The following SMARCA1 variants were observed in gnomAD, a reference collection of about 807,000 sequenced individuals.
SMARCA1 encodes the protein SNF2 related chromatin remodeling ATPase 1.
In SMARCA1, 17 loss-of-function variants were observed where a neutral mutation model predicts 93.6. The observed-to-expected ratio is 0.18, with a 90% CI of 0.12 to 0.27. The LOEUF (loss-of-function observed/expected upper bound fraction) is 0.27, where lower values mean the gene tolerates loss of function less well. Ranked by LOEUF, SMARCA1 falls within the 10% of genes least tolerant of loss-of-function variation. The probability of loss-of-function intolerance (pLI) is 1.00; values close to 1 mark genes in which losing one functional copy is unlikely to be tolerated. For synonymous variants in SMARCA1, 271 were observed against 271.4 expected (o/e 1.00, Z 0.01); for missense variants, 630 against 819.0 (o/e 0.77, Z 2.82).
At chrX:129,494,298 T>G (rs1359857343) in intron 12 of SMARCA1, among the ~76,000 whole-genome samples, 1 of 111,439 alleles carries the variant, frequency 9.0e-6, no homozygotes, top group African/African-American at 3.3e-5. Context: ...TTAGTATGGA[T>G]TCAGGGAAAC....
rs1556303915 is a variant in SMARCA1 at position 129,486,835 on chromosome X, TGAC to T, written c.2217+180_2217+182del. 2.0e-4 allele frequency among the ~76,000 whole-genome samples: 22 copies of T among 109,959 alleles called. No individual in the cohort carries two copies. The South Asian group carries it at 2.4e-3, about 12-fold the overall frequency. On this transcript the variant is annotated intron_variant, in intron 17 of 24. Coordinates refer to ENST00000371121, the MANE Select transcript of SMARCA1 (RefSeq NM_001282874.2). The stretch of plus-strand genomic sequence containing the variant: ...TTGATGATGATGATGATGATGATGA[TGAC>T]GACGACGACGATAAACCAATAAAAT...
intron 14 of SMARCA1, 93 bp downstream of exon 14, chrX:129,491,848 G>A: frequency 1.7e-6 from 1 of 589,646 alleles, no homozygotes; most frequent in Middle Eastern, 3.5e-4. Context: ...CTCAAAAATT[G>A]TTACCTTTTT....
intron 19 of SMARCA1, among the ~76,000 whole-genome samples, chrX:129,479,059 T>C (rs1186788900): frequency 8.9e-6 from 1 of 111,925 alleles, no homozygotes. Flanking sequence ...TAATAACACC[T>C]ACTTCATGAG....
At chrX:129,453,483 A>C (rs903968953) in intron 23 of SMARCA1, among the ~76,000 whole-genome samples, 1 of 112,084 alleles carries the variant, frequency 8.9e-6, no homozygotes, top group Non-Finnish European at 1.9e-5. Flanking sequence ...ACGGTATTCA[A>C]ATAGGAAGAA....
chrX:129,471,612 T>C (rs912079663), intron 19 of SMARCA1, among the ~76,000 whole-genome samples: 20 of 111,008 alleles, frequency 1.8e-4, no homozygotes, highest in African/African-American at 6.3e-4. Flanking sequence ...ACTATTGTAA[T>C]ATACAGAACA....
chrX:129,516,140 T>G, intron 3 of SMARCA1, 146 bp from the exon 4 acceptor site: 1 of 591,922 alleles, frequency 1.7e-6, no homozygotes, highest in Non-Finnish European at 2.6e-6. Flanking sequence ...GCCTACATTT[T>G]TACTGATCAG....
intron 19 of SMARCA1, among the ~76,000 whole-genome samples, chrX:129,471,799 T>A (rs1201352949): frequency 8.9e-6 from 1 of 111,783 alleles, no homozygotes; most frequent in Admixed American, 9.5e-5. Flanking sequence ...GAGAGAGCAT[T>A]TTTACATAAA....
intron 23 of SMARCA1, 151 bp from the exon 24 acceptor site, chrX:129,448,594 C>CA: frequency 2.0e-6 from 1 of 505,664 alleles, no homozygotes; most frequent in Non-Finnish European, 3.3e-6. Context: ...TAATAGATTC[C>CA]ACCAGAATTA....
intron 6 of SMARCA1, among the ~76,000 whole-genome samples, chrX:129,510,012 C>T (rs1187940447): frequency 8.9e-6 from 1 of 112,336 alleles, no homozygotes; most frequent in Non-Finnish European, 1.9e-5. Flanking sequence ...TACCAAGATT[C>T]AAATCTGTCT....
At position 129,516,413 on chromosome X, in the gene SMARCA1, A is replaced by T; in HGVS notation, c.346T>A (p.Ser116Thr). 1 of 1,208,320 alleles carries T rather than the reference A, an allele frequency of 8.3e-7. No individual in the cohort carries two copies. Among genetic ancestry groups the T allele is most frequent in the Non-Finnish European group, 1.1e-6 (1 of 892,719 alleles). Residue 116 changes from serine (S) to threonine (T), a missense_variant, in exon 3 of 25, where the codon TCT (serine) becomes ACT (threonine). By Grantham distance (58) the Ser-to-Thr change is moderately conservative. Transcript: ENST00000371121. Reference sequence around the variant, plus strand: ...TTCATGTTCAGTGGAGATGTTGGAGATTTCTGTGCTGAAGGCTGAATGAAA... The same window carrying T: ...TTCATGTTCAGTGGAGATGTTGGAGTTTTCTGTGCTGAAGGCTGAATGAAA... Reference protein sequence around the residue: ...AHFIQPSAQKSPTSPLNMKLG... With the variant: ...AHFIQPSAQKTPTSPLNMKLG...
At chrX:129,480,922 C>T in intron 18 of SMARCA1, 108 bp from the exon 19 acceptor site, 1 of 586,854 alleles carries the variant, frequency 1.7e-6, no homozygotes, top group African/African-American at 2.3e-5. Flanking sequence ...ACAATAAAAT[C>T]CATTTATATG....
intron 20 of SMARCA1, among the ~76,000 whole-genome samples, chrX:129,469,436 C>A (rs1265842271): frequency 9.0e-6 from 1 of 111,714 alleles, no homozygotes; most frequent in African/African-American, 3.2e-5. Flanking sequence ...ACAAGCAGAA[C>A]GTTATTGGAG....
intron 9 of SMARCA1, 97 bp downstream of exon 9, chrX:129,504,637 C>G: frequency 2.3e-6 from 1 of 436,101 alleles, no homozygotes. Context: ...AGCCAAGAGG[C>G]AAACACAAGT....
chrX:129,510,674 C>A (rs925960937), intron 6 of SMARCA1, among the ~76,000 whole-genome samples: 16 of 112,074 alleles, frequency 1.4e-4, no homozygotes, highest in African/African-American at 5.2e-4. Flanking sequence ...TATGAAAACA[C>A]AAACCTAGAT....
chrX:129,481,519 T>C (rs947808465), intron 17 of SMARCA1, among the ~76,000 whole-genome samples: 1 of 112,062 alleles, frequency 8.9e-6, no homozygotes, highest in East Asian at 2.8e-4. Flanking sequence ...ACATTGACTG[T>C]GGTAACTGTA....
intron 5 of SMARCA1, among the ~76,000 whole-genome samples, chrX:129,514,316 CA>C (rs1193195150): frequency 9.1e-4 from 86 of 94,514 alleles, no homozygotes; most frequent in Admixed American, 1.3e-3. Context: ...GACTCCGTCT[CA>C]AAAAAAAAAA....
intron 12 of SMARCA1, among the ~76,000 whole-genome samples, chrX:129,494,342 A>G (rs867350751): frequency 8.9e-6 from 1 of 111,859 alleles, no homozygotes; most frequent in Non-Finnish European, 1.9e-5. Context: ...AAAGCTCAGT[A>G]ACGCTTCAAG....
rs201977043 is a variant in SMARCA1 at position 129,497,834 on chromosome X, T to G, written c.1504+11A>C. On this transcript the variant is annotated intron_variant, in intron 11 of 24. Transcript: ENST00000371121. ...ATTTATTCCATGCTAATTTAAAAAT[T>G]TATTACTCACCCTGTTCTTTGAGTT... The G allele has an allele frequency of 2.2e-4, 246 of 1,107,630 alleles. No homozygotes were observed. Among genetic ancestry groups the G allele is most frequent in the South Asian group, 3.2e-4 (17 of 53,327 alleles). 91.3% of individuals were successfully genotyped at this position (1,107,630 alleles called of 1,213,427 possible).
intron 19 of SMARCA1, among the ~76,000 whole-genome samples, chrX:129,471,911 G>A (rs1460609237): frequency 8.9e-6 from 1 of 112,186 alleles, no homozygotes; most frequent in Non-Finnish European, 1.9e-5. Context: ...GCTATGATAG[G>A]ACCAGTGGTC....
Sources: allele counts gnomAD v4.1 joint callset (sites outside exome capture counted in the v4.1 genomes callset), GRCh38; gene constraint gnomAD v4.1.1; transcripts MANE v1.5; gene names NCBI Gene and HGNC (gene_info 2026-07-23, HGNC 2026-07-21).